Variants in SH2D4B observed in about 807,000 individuals in gnomAD.
SH2D4B encodes the protein SH2 domain-containing protein 4B.
In SH2D4B, 45 loss-of-function variants were observed where a neutral mutation model predicts 61.5. The observed-to-expected ratio is 0.73, with a 90% confidence interval of 0.58 to 0.94. SH2D4B has a LOEUF of 0.94. Among genes scored for constraint, SH2D4B ranks in the 40% least tolerant of loss-of-function variants. The probability of loss-of-function intolerance (pLI) is 0.00; values close to 1 mark genes in which losing one functional copy is unlikely to be tolerated. For missense variants in SH2D4B, 572 were observed against 574.2 expected, an observed-to-expected ratio of 1.00 and a Z score of 0.04; for synonymous variants, 224 against 220.4, an observed-to-expected ratio of 1.02 and a Z score of -0.14.
At chr10:80,559,897 C>G (rs776333764) in intron 1 of SH2D4B, among the ~76,000 whole-genome samples, 49 of 151,970 alleles carry the variant, frequency 3.2e-4, no homozygotes, top group South Asian at 6.2e-4. Context: ...TTTGCCCCCC[C>G]AGAGTGGTTC....
intron 5 of SH2D4B, among the ~76,000 whole-genome samples, chr10:80,604,203 C>G (rs1030129174): frequency 3.9e-5 from 6 of 152,186 alleles, no homozygotes; most frequent in Admixed American, 1.3e-4. Flanking sequence ...GGGCTTGCTG[C>G]CTGTCGGAGC....
At chr10:80,627,436 A>G (rs952940372) in intron 6 of SH2D4B, among the ~76,000 whole-genome samples, 2 of 152,020 alleles carry the variant, frequency 1.3e-5, no homozygotes, top group African/African-American at 4.8e-5. Context: ...CTCCAGCCAC[A>G]AAGAGCCACT....
chr10:80,633,491 G>A (rs1269520399), intron 6 of SH2D4B, among the ~76,000 whole-genome samples: 5 of 152,126 alleles, frequency 3.3e-5, no homozygotes, highest in South Asian at 2.1e-4. Flanking sequence ...GGCAGAGGTC[G>A]GGGGTGGGGG....
At chr10:80,593,429 A>G (rs1387622885) in intron 4 of SH2D4B, among the ~76,000 whole-genome samples, 1 of 152,184 alleles carries the variant, frequency 6.6e-6, no homozygotes, top group Non-Finnish European at 1.5e-5. Context: ...TGCTAAGTTT[A>G]TTCCTAATGG....
At chr10:80,583,409 CT>C (rs1842206370) in intron 3 of SH2D4B, among the ~76,000 whole-genome samples, 1 of 151,788 alleles carries the variant, frequency 6.6e-6, no homozygotes, top group Non-Finnish European at 1.5e-5. Flanking sequence ...TGGCTCACAC[CT>C]GTAATCCCAG....
At chr10:80,618,317 T>G (rs1057110468) in intron 6 of SH2D4B, among the ~76,000 whole-genome samples, 36 of 152,334 alleles carry the variant, frequency 2.4e-4, no homozygotes, top group African/African-American at 7.7e-4. Flanking sequence ...GTGATACCAC[T>G]CTCTCATGAA....
At chr10:80,625,472 A>C (rs1842758901) in intron 6 of SH2D4B, among the ~76,000 whole-genome samples, 1 of 152,222 alleles carries the variant, frequency 6.6e-6, no homozygotes, top group African/African-American at 2.4e-5. Context: ...AATATGATGT[A>C]AATGCTATGT....
rs142524118 is a variant in SH2D4B, at chr10:80,552,859, G to A, written c.184+14344G>A. ...AGAATTACATAACCCTAGGCTTTAG[G>A]CATTTCTTTCTCCCCCTCTCTCTCT... On this transcript the variant is annotated intron_variant, in intron 1 of 7. Coordinates refer to ENST00000646907, the MANE Select transcript of SH2D4B (RefSeq NM_001388272.1). Among the ~76,000 whole-genome samples, 375 of 152,040 alleles carry A rather than the reference G, an allele frequency of 2.5e-3. 1 individual carries two copies. The highest frequency in any genetic ancestry group is 8.8e-3 in the African/African-American group (365 of 41,454).
intron 6 of SH2D4B, among the ~76,000 whole-genome samples, chr10:80,622,097 A>C (rs772481228): frequency 6.6e-6 from 1 of 152,114 alleles, no homozygotes; most frequent in African/African-American, 2.4e-5. Flanking sequence ...AGAAGTCCTA[A>C]GTGCTGAGAG....
chr10:80,630,563 G>C (rs1842819740), intron 6 of SH2D4B, among the ~76,000 whole-genome samples: 1 of 152,246 alleles, frequency 6.6e-6, no homozygotes, highest in South Asian at 2.1e-4. Flanking sequence ...GGTGGGGATA[G>C]TTGGGGAGAA....
At chr10:80,573,129 C>T (rs978039492) in intron 3 of SH2D4B, among the ~76,000 whole-genome samples, 3 of 143,534 alleles carry the variant, frequency 2.1e-5, no homozygotes, top group East Asian at 2.1e-4. Context: ...GGACTACAGG[C>T]GCCCGCCACC....
chr10:80,572,986 A>ATTTTTTTTT (rs61401607), intron 3 of SH2D4B, among the ~76,000 whole-genome samples: 1 of 8,874 alleles, frequency 1.1e-4, no homozygotes, highest in Non-Finnish European at 2.0e-4. Context: ...ATATATATAT[A>ATTTTTTTTT]TTTTTTTTTT....
In SH2D4B at chr10:80,634,356, A is replaced by C; in HGVS notation, c.1060A>C (p.Ser354Arg). 6.4e-7 allele frequency: 1 copy of C among 1,550,478 alleles called. No individual in the cohort carries two copies. Among genetic ancestry groups the C allele is most frequent in the South Asian group, 1.2e-5 (1 of 84,062 alleles). Residue 354 changes from serine to arginine, a missense_variant, in exon 7 of 8, where the codon AGT (serine) becomes CGT (arginine). Transcript: ENST00000646907. ...TGAGGGAGCATTCCTGGTCCGGGTC[A>C]GTGAGAAAATCTGGGGTTACACCCT... ...MTEGAFLVRV[S>R]EKIWGYTLSY...
intron 4 of SH2D4B, among the ~76,000 whole-genome samples, chr10:80,590,274 G>T (rs1842311382): frequency 6.6e-6 from 1 of 152,202 alleles, no homozygotes; most frequent in African/African-American, 2.4e-5. Flanking sequence ...TGGCAGTGGG[G>T]TGATTAAGGC....
chr10:80,565,086 A>T (rs1181717453), intron 1 of SH2D4B, among the ~76,000 whole-genome samples: 2 of 152,202 alleles, frequency 1.3e-5, no homozygotes, highest in African/African-American at 4.8e-5. Flanking sequence ...GCAGTCTATG[A>T]GTGGCTGAAG....
At chr10:80,572,856 G>A (rs1435384990) in intron 3 of SH2D4B, among the ~76,000 whole-genome samples, 3 of 146,332 alleles carry the variant, frequency 2.1e-5, no homozygotes, top group Non-Finnish European at 4.5e-5. Context: ...CTGACTTTGT[G>A]ATCTGCCCGC....
At chr10:80,630,778 G>A (rs1439136345) in intron 6 of SH2D4B, among the ~76,000 whole-genome samples, 2 of 152,220 alleles carry the variant, frequency 1.3e-5, no homozygotes, top group Non-Finnish European at 1.5e-5. Context: ...GTCAGCTGGA[G>A]TGAAGGGGGC....
At chr10:80,547,667 C>T (rs1841700293) in intron 1 of SH2D4B, among the ~76,000 whole-genome samples, 1 of 152,182 alleles carries the variant, frequency 6.6e-6, no homozygotes, top group Non-Finnish European at 1.5e-5. Flanking sequence ...GTTAAGAAAA[C>T]ACTTCCTGTC....
intron 6 of SH2D4B, among the ~76,000 whole-genome samples, chr10:80,616,589 C>G (rs1225737840): frequency 2.9e-5 from 3 of 103,346 alleles, no homozygotes; most frequent in African/African-American, 1.8e-4. Context: ...AGCCTCGCAT[C>G]CTGTATGGGG....
Sources: gnomAD v4.1 joint callset for allele counts (sites outside exome capture counted in the v4.1 genomes callset) on GRCh38, gnomAD v4.1.1 for gene constraint, MANE v1.5 for transcripts, NCBI Gene and HGNC (gene_info 2026-07-23, HGNC 2026-07-21) for gene names.